Variants in STARD13 observed in about 807,000 individuals in gnomAD.
The protein encoded by STARD13 is stAR-related lipid transfer protein 13.
STARD13 carries 62 observed loss-of-function variants against 106.4 expected under a neutral mutation model. The observed-to-expected ratio is 0.58, with a 90% CI of 0.48 to 0.72. The LOEUF is 0.72. STARD13 is among the 30% of genes least tolerant of loss of function. The pLI is 0.00. For missense variants in STARD13, 1,387 were observed against 1,424.0 expected, an observed-to-expected ratio of 0.97 and a Z score of 0.42; for synonymous variants, 565 against 553.0, an observed-to-expected ratio of 1.02 and a Z score of -0.31.
At chr13:33,408,622 A>T in the STARD13 span, among the ~76,000 whole-genome samples, 3 of 152,154 alleles carry the variant, frequency 2.0e-5, no homozygotes, top group Non-Finnish European at 4.4e-5. Flanking sequence ...TGTGACACAA[A>T]GGTACAACAA....
At chr13:33,321,667 A>G (rs531285298) in intron 1 of STARD13, among the ~76,000 whole-genome samples, 2 of 152,206 alleles carry the variant, frequency 1.3e-5, no homozygotes, top group South Asian at 2.1e-4. Context: ...GTGGTGAAGT[A>G]TCTTGCCTAA....
At chr13:33,470,880 T>A in the STARD13 span, among the ~76,000 whole-genome samples, 1 of 152,252 alleles carries the variant, frequency 6.6e-6, no homozygotes, top group Admixed American at 6.5e-5. Flanking sequence ...AGGTTGCCTA[T>A]TCACTCTGAT....
chr13:33,204,758 C>T (rs1209741995), intron 1 of STARD13, among the ~76,000 whole-genome samples: 3 of 152,212 alleles, frequency 2.0e-5, no homozygotes, highest in Non-Finnish European at 4.4e-5. Flanking sequence ...TCAGCTCTAC[C>T]GGAAGATAAA....
At chr13:33,544,596 T>C in the STARD13 span, among the ~76,000 whole-genome samples, 5 of 151,964 alleles carry the variant, frequency 3.3e-5, no homozygotes, top group Admixed American at 3.3e-4. Flanking sequence ...AGCTTCCCCC[T>C]CTCTGCTCTA....
At chr13:33,526,444 C>T in the STARD13 span, among the ~76,000 whole-genome samples, 2 of 152,092 alleles carry the variant, frequency 1.3e-5, no homozygotes, top group Admixed American at 1.3e-4. Flanking sequence ...ACACTCAATA[C>T]ATATTTGTTA....
At chr13:33,108,143 C>T (rs143556473) in intron 12 of STARD13, among the ~76,000 whole-genome samples, 65 of 152,280 alleles carry the variant, frequency 4.3e-4, no homozygotes, top group African/African-American at 1.5e-3. Context: ...CGGAAGCTCC[C>T]GAGGAGCTAG....
intron 7 of STARD13, among the ~76,000 whole-genome samples, chr13:33,124,376 G>A (rs1330287678): frequency 6.6e-6 from 1 of 152,218 alleles, no homozygotes; most frequent in African/African-American, 2.4e-5. Context: ...TGACTGACGC[G>A]AGATGCGTGG....
At chr13:33,628,824 A>G in the STARD13 span, among the ~76,000 whole-genome samples, 2 of 152,290 alleles carry the variant, frequency 1.3e-5, no homozygotes, top group East Asian at 1.9e-4. Flanking sequence ...CTGCCTTTTG[A>G]TCTTAGGAAA....
At chr13:33,304,068 A>AT (rs763113734) in intron 1 of STARD13, among the ~76,000 whole-genome samples, 80 of 152,330 alleles carry the variant, frequency 5.3e-4, no homozygotes, top group Admixed American at 2.6e-3. Context: ...AATGTAGCTC[A>AT]TTTTTTCATC....
chr13:33,661,651 G>T, the STARD13 span, among the ~76,000 whole-genome samples: 41 of 152,232 alleles, frequency 2.7e-4, 2 homozygotes, highest in East Asian at 5.0e-3. Context: ...AATGCCATGC[G>T]CTTATAAAAC....
At chr13:33,476,418 A>T in the STARD13 span, among the ~76,000 whole-genome samples, 1 of 152,122 alleles carries the variant, frequency 6.6e-6, no homozygotes. Context: ...AATGTGTGAC[A>T]CTCTTTTAAA....
chr13:33,251,678 A>T (rs930661281), intron 1 of STARD13, among the ~76,000 whole-genome samples: 1 of 152,242 alleles, frequency 6.6e-6, no homozygotes, highest in Non-Finnish European at 1.5e-5. Context: ...AAGAAAATAC[A>T]TATGTCTAAT....
chr13:33,129,652 C>T lies in STARD13; in HGVS notation c.1025G>A (p.Gly342Glu), dbSNP rs767130086. ...TTCCTTCAGGCAGGGCGTGCTCACC[C>T]CGCTGCTGCTGTGCTCCGACGGGCT... ...ESSPSEHSSS[G>E]VSTPCLKERK... The change falls in exon 5 of 14, where the codon GGG (glycine) becomes GAG (glutamate). Residue 342 changes from glycine to glutamate, a missense_variant. Transcript: ENST00000336934. 1.2e-6 allele frequency: 2 copies of T among 1,614,020 alleles called. No homozygotes were observed. The highest frequency in any genetic ancestry group is 1.7e-6 in the Non-Finnish European group (2 of 1,180,030).
chr13:33,232,629 C>T (rs927629194), intron 1 of STARD13, among the ~76,000 whole-genome samples: 2 of 152,188 alleles, frequency 1.3e-5, no homozygotes, highest in Non-Finnish European at 2.9e-5. Flanking sequence ...ACTTTGACGA[C>T]GTGTATCTGA....
chr13:33,367,512 AC>A, the STARD13 span, among the ~76,000 whole-genome samples: 1 of 152,192 alleles, frequency 6.6e-6, no homozygotes. Context: ...AAAAAGAAGG[AC>A]AAAAAAATTT....
chr13:33,473,106 T>C, the STARD13 span, among the ~76,000 whole-genome samples: 2 of 152,206 alleles, frequency 1.3e-5, no homozygotes, highest in Admixed American at 1.3e-4. Flanking sequence ...TGTTGATTCA[T>C]CATTTATCAA....
the STARD13 span, among the ~76,000 whole-genome samples, chr13:33,614,270 C>CGTGTGTATGTGTGT: frequency 5.5e-5 from 8 of 145,154 alleles, no homozygotes; most frequent in Non-Finnish European, 1.2e-4. Context: ...ATACATTCTC[C>CGTGTGTATGTGTGT]GTGTGTGTGT....
At chr13:33,364,426 G>A in the STARD13 span, among the ~76,000 whole-genome samples, 1 of 152,176 alleles carries the variant, frequency 6.6e-6, no homozygotes. Flanking sequence ...TAATAAAAAT[G>A]AAATGGGTTA....
intron 2 of STARD13, among the ~76,000 whole-genome samples, chr13:33,166,848 G>T (rs1037224064): frequency 6.6e-6 from 1 of 151,748 alleles, no homozygotes; most frequent in Non-Finnish European, 1.5e-5. Context: ...TACAAAAATT[G>T]GCCAGGTGTG....
Sources: gnomAD v4.1 joint callset for allele counts (sites outside exome capture counted in the v4.1 genomes callset) on GRCh38, gnomAD v4.1.1 for gene constraint, MANE v1.5 for transcripts, NCBI Gene and HGNC (gene_info 2026-07-23, HGNC 2026-07-21) for gene names.